The following PELO variants were observed in gnomAD, a reference collection of about 807,000 sequenced individuals.
PELO encodes pelota mRNA surveillance and ribosome rescue factor.
PELO carries 19 observed loss-of-function variants against 25.9 expected under a neutral mutation model. That is an observed-to-expected ratio of 0.73 (90% CI 0.51 to 1.08). The LOEUF (loss-of-function observed/expected upper bound fraction) is 1.08. Ranked by LOEUF, PELO falls within the 50% of genes least tolerant of loss-of-function variation. PELO has a pLI of 0.00. For missense variants in PELO, 498 were observed against 491.4 expected, an observed-to-expected ratio of 1.01 and a Z score of -0.13; for synonymous variants, 196 against 192.2, an observed-to-expected ratio of 1.02 and a Z score of -0.16.
Position 52,800,763 on chromosome 5 carries a change from G to A in PELO, c.369G>A (p.Glu123=), listed in dbSNP as rs750307879. The A allele has an allele frequency of 6.2e-7, 1 of 1,614,226 alleles. No homozygotes were observed. The highest frequency in any genetic ancestry group is 8.5e-7 in the Non-Finnish European group (1 of 1,180,040). ...AKKQWDSVVL[E]RIEQACDPAW... ...AGCAGTGGGATAGTGTGGTACTGGA[G>A]CGCATCGAGCAGGCCTGTGACCCAG... is the stretch of plus-strand genomic sequence containing the variant. Residue 123 remains glutamate (E), a synonymous_variant, in exon 2 of 3, where the codon GAG becomes GAA. Transcript: ENST00000274311.
intron 1 of PELO, among the ~76,000 whole-genome samples, chr5:52,795,874 G>A (rs1393977245): frequency 6.6e-6 from 1 of 151,846 alleles, no homozygotes; most frequent in African/African-American, 2.4e-5. Context: ...ATTGCGGTCT[G>A]GGACTTATTT....
In PELO at chr5:52,800,469, C is replaced by T; in HGVS notation, c.75C>T (p.Asp25=). 5.0e-6 allele frequency: 8 copies of T among 1,614,076 alleles called. No homozygotes were observed. The highest frequency in any genetic ancestry group is 6.8e-6 in the Non-Finnish European group (8 of 1,180,018). The part of the protein sequence containing the change: ...QVTLVPEEPE[D]MWHTYNLVQV... ...CCCTGGTCCCCGAGGAGCCTGAGGA[C>T]ATGTGGCACACTTACAACCTCGTGC... The change falls in exon 2 of 3, where the codon GAC becomes GAT. Residue 25 remains aspartate, a synonymous_variant. Coordinates refer to ENST00000274311, the MANE Select transcript of PELO (RefSeq NM_015946.5).
rs1748503490 is a variant in PELO at position 52,802,212 on chromosome 5, C to T, written c.*372C>T. ...TTGAAACAGTTTTCCTTAGAAAAAG[C>T]TTTTGCTATCTTATCCTGTTTACAT... On this transcript the variant is annotated 3_prime_UTR_variant, in exon 3 of 3. Coordinates refer to ENST00000274311, the MANE Select transcript of PELO (RefSeq NM_015946.5). 6.0e-6 allele frequency: 1 copy of T among 167,836 alleles called. No homozygotes were observed. The highest frequency in any genetic ancestry group is 2.4e-5 in the African/African-American group (1 of 41,770). The allele number at this position is 167,836 out of a possible 1,614,324, so 10.4% of individuals were successfully genotyped here.
intron 1 of PELO, among the ~76,000 whole-genome samples, chr5:52,798,671 G>A (rs1190418075): frequency 1.3e-5 from 2 of 152,094 alleles, no homozygotes; most frequent in African/African-American, 2.4e-5. Flanking sequence ...ATCTGAATCT[G>A]CATTTTTACG....
Position 52,788,327 on chromosome 5 carries a change from C to A in PELO, c.-598C>A. On this transcript the variant is annotated 5_prime_UTR_variant, in exon 1 of 3. Transcript: ENST00000274311. ...GGTCCTGCCCTGCGAACCAGCGCGG[C>A]CCCCTGGCGCTGAGGCTGCTCCGGC... 1.3e-6 allele frequency: 2 copies of A among 1,486,034 alleles called. No homozygotes were observed. The highest frequency in any genetic ancestry group is 1.3e-5 in the South Asian group (1 of 79,242). 92.1% of individuals were successfully genotyped at this position (1,486,034 alleles called of 1,614,324 possible).
Position 52,800,946 on chromosome 5 carries a change from G to A in PELO, c.552G>A (p.Arg184=). ...NCSQHDRALE[R]FYEQVVQAIQ... ...CTCAGCATGACCGGGCCTTGGAGCG[G>A]TTCTATGAACAGGTGGTCCAGGCTA... is the stretch of plus-strand genomic sequence containing the variant. Residue 184 remains arginine (R), a synonymous_variant, in exon 2 of 3, where the codon CGG becomes CGA. Coordinates refer to ENST00000274311, the MANE Select transcript of PELO (RefSeq NM_015946.5). 6.2e-7 allele frequency: 1 copy of A among 1,614,200 alleles called. No homozygotes were observed. The highest frequency in any genetic ancestry group is 8.5e-7 in the Non-Finnish European group (1 of 1,180,038).
Position 52,801,612 on chromosome 5 carries a change from A to G in PELO, c.930A>G (p.Thr310=). 1 of 1,614,150 alleles carries G rather than the reference A, an allele frequency of 6.2e-7. No individual in the cohort carries two copies. Among genetic ancestry groups the G allele is most frequent in the South Asian group, 1.1e-5 (1 of 91,086 alleles). ...CCAATGAAGCCATGGCAATTGACAC[A>G]TTGCTCATCAGCGATGAGCTCTTCA... ...EKANEAMAID[T]LLISDELFRH... The change falls in exon 3 of 3, where the codon ACA becomes ACG. Residue 310 remains threonine, a synonymous_variant. Coordinates refer to ENST00000274311, the MANE Select transcript of PELO (RefSeq NM_015946.5).
In PELO at chr5:52,800,502, C is replaced by T. The variant is rs565147402; in HGVS notation, c.108C>T (p.Gly36=). Residue 36 remains glycine (G), a synonymous_variant, in exon 2 of 3, where the codon GGC becomes GGT. Coordinates refer to ENST00000274311, the MANE Select transcript of PELO (RefSeq NM_015946.5). ...ACACTTACAACCTCGTGCAGGTGGG[C>T]GACAGCCTGCGCGCCTCCACCATCC... ...MWHTYNLVQV[G]DSLRASTIRK... is the part of the protein sequence containing the mutation. 2.4e-5 allele frequency: 38 copies of T among 1,614,064 alleles called. No individual in the cohort carries two copies. In the South Asian group the frequency reaches 3.8e-4, roughly 16 times the overall value.
intron 1 of PELO, among the ~76,000 whole-genome samples, chr5:52,789,452 C>CT (rs1267083381): frequency 3.3e-5 from 5 of 152,136 alleles, no homozygotes; most frequent in Non-Finnish European, 7.3e-5. Flanking sequence ...TTAGACCTGC[C>CT]TTAGATGGCC....
In PELO at chr5:52,803,043, C is replaced by T. The variant is rs1216343331; in HGVS notation, c.*1203C>T. Reference sequence around the variant, plus strand: ...CTCAATTTAGCAAAATAATTAGGAACGATCTAATAGTGATGATACAGTTTT... The same window carrying T: ...CTCAATTTAGCAAAATAATTAGGAATGATCTAATAGTGATGATACAGTTTT... On this transcript the variant is annotated 3_prime_UTR_variant, in exon 3 of 3. Transcript: ENST00000274311. 1.3e-5 allele frequency: 2 copies of T among 152,166 alleles called. No individual in the cohort carries two copies. Among genetic ancestry groups the T allele is most frequent in the Non-Finnish European group, 2.9e-5 (2 of 68,032 alleles). 9.4% of individuals were successfully genotyped at this position (152,166 alleles called of 1,614,324 possible). A position where few individuals can be genotyped will look rare whatever the true frequency, so the allele number is the denominator to read the frequency against.
chr5:52,794,310 T>C lies in PELO; in HGVS notation c.-510-5575T>C, dbSNP rs1748297480. Among the ~76,000 whole-genome samples, 3 of 152,000 alleles carry C rather than the reference T, an allele frequency of 2.0e-5. No individual in the cohort carries two copies. In the South Asian group the frequency reaches 6.2e-4, roughly 31 times the overall value. On this transcript the variant is annotated intron_variant, in intron 1 of 2. Coordinates refer to ENST00000274311, the MANE Select transcript of PELO (RefSeq NM_015946.5). ...GGTTTATATATTTTGTTACAAATCATATATCCTTACTACAAATTAAATGTA... is the reference window on the plus strand; with the variant it reads ...GGTTTATATATTTTGTTACAAATCACATATCCTTACTACAAATTAAATGTA...
chr5:52,791,968 C>A (rs759038587), intron 1 of PELO, among the ~76,000 whole-genome samples: 1 of 152,146 alleles, frequency 6.6e-6, no homozygotes. Flanking sequence ...TAAGTTCATT[C>A]TCTCTTGCTC....
rs565250160 is a variant in PELO at position 52,796,155 on chromosome 5, G to A, written c.-510-3730G>A. ...CTCAATTCTTCAGTGAAATAAATTGGGTTCCAGAGAGACTGAGTACTGCCA... is the reference window on the plus strand; with the variant it reads ...CTCAATTCTTCAGTGAAATAAATTGAGTTCCAGAGAGACTGAGTACTGCCA... On this transcript the variant is annotated intron_variant, in intron 1 of 2. Coordinates refer to ENST00000274311, the MANE Select transcript of PELO (RefSeq NM_015946.5). 1.5e-4 allele frequency among the ~76,000 whole-genome samples: 23 copies of A among 151,914 alleles called. No homozygotes were observed. In the South Asian group the frequency reaches 3.1e-3, roughly 21 times the overall value.
At chr5:52,789,565 T>C (rs927619133) in intron 1 of PELO, among the ~76,000 whole-genome samples, 2 of 152,132 alleles carry the variant, frequency 1.3e-5, no homozygotes, top group Non-Finnish European at 2.9e-5. Context: ...AATTAGCTAC[T>C]GGCTTTTCAT....
In PELO at chr5:52,801,750, C is replaced by G. The variant is rs146777292; in HGVS notation, c.1068C>G (p.Leu356=). The change falls in exon 3 of 3, where the codon CTC becomes CTG. Residue 356 remains leucine, a synonymous_variant. Coordinates refer to ENST00000274311, the MANE Select transcript of PELO (RefSeq NM_015946.5). ...GTCTTCACGTTTCTGGGGAACAGCT[C>G]AGCCAGTTGACTGGGGTAGCTGCCA... The part of the protein sequence containing the change: ...FSSLHVSGEQ[L]SQLTGVAAIL... The G allele has an allele frequency of 4.2e-5, 67 of 1,614,036 alleles. No homozygotes were observed. In the African/African-American group the frequency reaches 8.7e-4, roughly 21 times the overall value.
In PELO at chr5:52,801,487, A is replaced by G. The variant is rs1186974645; in HGVS notation, c.805A>G (p.Thr269Ala). The G allele has an allele frequency of 5.0e-6, 8 of 1,613,990 alleles. No individual in the cohort carries two copies. Among genetic ancestry groups the G allele is most frequent in the Non-Finnish European group, 6.8e-6 (8 of 1,179,952 alleles). The change falls in exon 3 of 3, where the codon ACT (threonine) becomes GCT (alanine). Residue 269 changes from threonine to alanine, a missense_variant. Thr to Ala is a moderately conservative substitution (Grantham distance 58, BLOSUM62 0). Coordinates refer to ENST00000274311, the MANE Select transcript of PELO (RefSeq NM_015946.5). ...TACTGTGGCTAGCCGCCTTTCAGAC[A>G]CTAAAGCTGCTGGGGAAGTCAAAGC... ...DPTVASRLSD[T>A]KAAGEVKALD...
chr5:52,801,786 C>G lies in PELO; in HGVS notation c.1104C>G (p.Phe368Leu), dbSNP rs990320535. ...QLTGVAAILR[F>L]PVPELSDQEG... Reference sequence around the variant, plus strand: ...CTGGGGTAGCTGCCATTCTCCGCTTCCCTGTTCCCGAACTTTCTGACCAAG... The same window carrying G: ...CTGGGGTAGCTGCCATTCTCCGCTTGCCTGTTCCCGAACTTTCTGACCAAG... The change falls in exon 3 of 3, where the codon TTC becomes TTG. Residue 368 changes from phenylalanine (F) to leucine (L), a missense_variant. Coordinates refer to ENST00000274311, the MANE Select transcript of PELO (RefSeq NM_015946.5). 8.1e-6 allele frequency: 13 copies of G among 1,613,756 alleles called. No individual in the cohort carries two copies. Among genetic ancestry groups the G allele is most frequent in the Non-Finnish European group, 1.1e-5 (13 of 1,179,830 alleles).
rs1251556485 is a variant in PELO at position 52,800,152 on chromosome 5, C to T, written c.-243C>T. ...CGGGAACTGTGTAGGGGTAGATTTT[C>T]GCTGCAGTGTTCCCCGAGCCTGTTA... On this transcript the variant is annotated 5_prime_UTR_variant, in exon 2 of 3. Coordinates refer to ENST00000274311, the MANE Select transcript of PELO (RefSeq NM_015946.5). 5.5e-6 allele frequency: 3 copies of T among 544,532 alleles called. No homozygotes were observed. Among genetic ancestry groups the T allele is most frequent in the Non-Finnish European group, 9.9e-6 (3 of 301,952 alleles). 33.7% of individuals were successfully genotyped at this position (544,532 alleles called of 1,614,324 possible).
intron 1 of PELO, among the ~76,000 whole-genome samples, chr5:52,795,801 G>A (rs564309456): frequency 1.3e-5 from 2 of 151,934 alleles, no homozygotes; most frequent in South Asian, 4.1e-4. Flanking sequence ...CATAAGGATG[G>A]TCAAATGAGA....
Sources: allele counts gnomAD v4.1 joint callset (sites outside exome capture counted in the v4.1 genomes callset), GRCh38; gene constraint gnomAD v4.1.1; transcripts MANE v1.5; gene names NCBI Gene and HGNC (gene_info 2026-07-23, HGNC 2026-07-21).